The following COL26A1 variants were observed in gnomAD, a reference collection of about 807,000 sequenced individuals.
COL26A1 encodes the protein collagen alpha-1(XXVI) chain.
COL26A1 carries 41 observed loss-of-function variants against 59.3 expected under a neutral mutation model. That is an observed-to-expected ratio of 0.69 (90% CI 0.54 to 0.90). COL26A1 has a LOEUF of 0.90. Ranked by LOEUF, COL26A1 falls within the 40% of genes least tolerant of loss-of-function variation. The pLI is 0.00. For missense variants in COL26A1, 612 were observed against 602.3 expected (o/e 1.02, Z -0.17); for synonymous variants, 266 against 256.0 (o/e 1.04, Z -0.37).
intron 3 of COL26A1, among the ~76,000 whole-genome samples, chr7:101,500,103 G>A (rs1794670197): frequency 6.6e-6 from 1 of 152,174 alleles, no homozygotes; most frequent in Non-Finnish European, 1.5e-5. Context: ...GATTGAACCT[G>A]CCCCTTCTGC....
intron 3 of COL26A1, among the ~76,000 whole-genome samples, chr7:101,503,220 A>G (rs1004864242): frequency 5.3e-5 from 8 of 152,200 alleles, no homozygotes; most frequent in Non-Finnish European, 8.8e-5. Flanking sequence ...CTAACAATGC[A>G]TGGTGCTGGT....
chr7:101,524,510 A>G (rs1795201444), intron 3 of COL26A1, among the ~76,000 whole-genome samples: 1 of 152,178 alleles, frequency 6.6e-6, no homozygotes, highest in Non-Finnish European at 1.5e-5. Flanking sequence ...TCAATGTACT[A>G]GTGTAACACA....
chr7:101,415,157 C>CTTTTT (rs768628869), intron 1 of COL26A1, among the ~76,000 whole-genome samples: 11 of 147,196 alleles, frequency 7.5e-5, no homozygotes, highest in Non-Finnish European at 1.5e-4. Flanking sequence ...AACCCCCCCC[C>CTTTTT]TTTTTTTTTT....
intron 2 of COL26A1, among the ~76,000 whole-genome samples, chr7:101,437,602 C>G (rs996602094): frequency 1.3e-5 from 2 of 151,662 alleles, no homozygotes; most frequent in African/African-American, 4.8e-5. Flanking sequence ...AGAGACAGGG[C>G]CTCACTCTGT....
chr7:101,535,780 A>G (rs933022462), intron 4 of COL26A1, among the ~76,000 whole-genome samples: 1 of 152,102 alleles, frequency 6.6e-6, no homozygotes, highest in African/African-American at 2.4e-5. Context: ...AATTGGAGTC[A>G]CTTCGTTTTG....
In COL26A1 at chr7:101,557,675, T is replaced by A; in HGVS notation, c.*145T>A. Reference sequence around the variant, plus strand: ...GGACATGGGGGGCTTTGGGGACAGATAATGTCTCCAGGGGCAGGGTCTGGA... The same window carrying A: ...GGACATGGGGGGCTTTGGGGACAGAAAATGTCTCCAGGGGCAGGGTCTGGA... On this transcript the variant is annotated 3_prime_UTR_variant, in exon 13 of 13. Transcript: ENST00000313669. The A allele has an allele frequency of 1.2e-6, 1 of 829,562 alleles. No individual in the cohort carries two copies. The highest frequency in any genetic ancestry group is 1.8e-6 in the Non-Finnish European group (1 of 551,650). The allele number at this position is 829,562 out of a possible 1,614,324, so 51.4% of individuals were successfully genotyped here.
intron 2 of COL26A1, among the ~76,000 whole-genome samples, chr7:101,435,353 C>T (rs1409556258): frequency 1.3e-5 from 2 of 152,136 alleles, no homozygotes; most frequent in South Asian, 2.1e-4. Flanking sequence ...GCCATGTAGT[C>T]GCCCCTGGAG....
chr7:101,523,762 C>A (rs565347383), intron 3 of COL26A1, among the ~76,000 whole-genome samples: 38 of 152,182 alleles, frequency 2.5e-4, no homozygotes, highest in African/African-American at 8.7e-4. Flanking sequence ...AGTTTTGTAA[C>A]AAGGTCTCAA....
chr7:101,441,494 T>G (rs1221068956), intron 2 of COL26A1, among the ~76,000 whole-genome samples: 1 of 152,066 alleles, frequency 6.6e-6, no homozygotes, highest in African/African-American at 2.4e-5. Flanking sequence ...GTGTGTGTGT[T>G]TTTAGTAGAG....
chr7:101,365,101 C>T (rs1202761630), intron 1 of COL26A1, among the ~76,000 whole-genome samples: 2 of 152,172 alleles, frequency 1.3e-5, no homozygotes, highest in Non-Finnish European at 2.9e-5. Flanking sequence ...AGTTTGTATG[C>T]AATCCTATTT....
chr7:101,380,252 A>C, intron 1 of COL26A1, among the ~76,000 whole-genome samples: 1 of 149,978 alleles, frequency 6.7e-6, no homozygotes, highest in Admixed American at 6.6e-5. Flanking sequence ...AGCCTCCCAA[A>C]GTGCTGGGAT....
At chr7:101,412,010 G>A (rs1792251669) in intron 1 of COL26A1, among the ~76,000 whole-genome samples, 1 of 152,138 alleles carries the variant, frequency 6.6e-6, no homozygotes, top group Non-Finnish European at 1.5e-5. Flanking sequence ...CCTGGGGAGG[G>A]AGGGGACGCA....
At chr7:101,545,519 A>G (rs1795718507) in intron 7 of COL26A1, 29 bp downstream of exon 7, 3 of 1,583,094 alleles carry the variant, frequency 1.9e-6, no homozygotes, top group Non-Finnish European at 2.6e-6. Flanking sequence ...GGGCCAAGGG[A>G]GGGCTGAGCT....
intron 4 of COL26A1, among the ~76,000 whole-genome samples, chr7:101,538,219 G>A (rs1795524290): frequency 6.6e-6 from 1 of 152,162 alleles, no homozygotes; most frequent in Admixed American, 6.5e-5. Context: ...CTTCAGGGGT[G>A]CCAGTGGCTG....
At chr7:101,461,600 C>A (rs1793614624) in intron 3 of COL26A1, among the ~76,000 whole-genome samples, 1 of 152,020 alleles carries the variant, frequency 6.6e-6, no homozygotes, top group African/African-American at 2.4e-5. Context: ...GCCCAGCCAC[C>A]TCCTTCTTCT....
chr7:101,514,799 G>A (rs932041500), intron 3 of COL26A1, among the ~76,000 whole-genome samples: 2 of 152,252 alleles, frequency 1.3e-5, no homozygotes, highest in African/African-American at 4.8e-5. Context: ...TCTCCTCCTC[G>A]CAGAGAATCT....
intron 1 of COL26A1, among the ~76,000 whole-genome samples, chr7:101,365,584 G>A (rs1206054297): frequency 2.0e-5 from 3 of 151,976 alleles, no homozygotes; most frequent in Admixed American, 1.3e-4. Context: ...CCACCACTGC[G>A]CCTGGCTAAT....
At chr7:101,449,635 T>A (rs1584417274) in intron 3 of COL26A1, among the ~76,000 whole-genome samples, 3 of 151,556 alleles carry the variant, frequency 2.0e-5, no homozygotes, top group South Asian at 2.1e-4. Flanking sequence ...CCAGGTGAGG[T>A]GGCATGTGCC....
At chr7:101,485,142 A>G (rs1324309069) in intron 3 of COL26A1, among the ~76,000 whole-genome samples, 2 of 152,190 alleles carry the variant, frequency 1.3e-5, no homozygotes, top group Non-Finnish European at 2.9e-5. Flanking sequence ...GTAAGCCACC[A>G]TGCCCGGCCT....
Sources: gnomAD v4.1 joint callset for allele counts (sites outside exome capture counted in the v4.1 genomes callset) on GRCh38, gnomAD v4.1.1 for gene constraint, MANE v1.5 for transcripts, NCBI Gene and HGNC (gene_info 2026-07-23, HGNC 2026-07-21) for gene names.